Variants in SDK1 observed in about 807,000 individuals in gnomAD.
SDK1 encodes sidekick cell adhesion molecule 1.
A neutral mutation model predicts 245.5 loss-of-function variants in SDK1; 157 were observed. That is an observed-to-expected ratio of 0.64 (90% confidence interval 0.56 to 0.73). The LOEUF (loss-of-function observed/expected upper bound fraction) is 0.73. Among genes scored for constraint, SDK1 ranks in the 30% least tolerant of loss-of-function variants. SDK1 has a pLI of 0.00. For synonymous variants in SDK1, 1,647 were observed against 1,278.5 expected, an observed-to-expected ratio of 1.29 and a Z score of -6.15; for missense variants, 3,583 against 3,002.3, an observed-to-expected ratio of 1.19 and a Z score of -4.52.
At chr7:3,664,508 G>T (rs557141800) in intron 4 of SDK1, among the ~76,000 whole-genome samples, 1 of 152,156 alleles carries the variant, frequency 6.6e-6, no homozygotes, top group Non-Finnish European at 1.5e-5. Context: ...GGAGGCCGAG[G>T]TGGGTGGATC....
chr7:3,985,315 C>G (rs1224024866), intron 13 of SDK1, among the ~76,000 whole-genome samples: 1 of 152,230 alleles, frequency 6.6e-6, no homozygotes, highest in Non-Finnish European at 1.5e-5. Flanking sequence ...CTATATCTGT[C>G]AGATTTATTC....
At chr7:3,880,978 G>A (rs988277699) in intron 5 of SDK1, among the ~76,000 whole-genome samples, 19 of 152,040 alleles carry the variant, frequency 1.2e-4, no homozygotes, top group Admixed American at 7.2e-4. Flanking sequence ...GTAACAAGCC[G>A]CCCACTCACC....
chr7:4,254,367 G>A (rs948514238), intron 44 of SDK1, among the ~76,000 whole-genome samples: 3 of 152,054 alleles, frequency 2.0e-5, no homozygotes, highest in Non-Finnish European at 4.4e-5. Flanking sequence ...TAAGTGAACT[G>A]ATTCTTTCTT....
intron 1 of SDK1, among the ~76,000 whole-genome samples, chr7:3,476,287 C>T (rs529335697): frequency 7.9e-5 from 12 of 152,278 alleles, no homozygotes; most frequent in African/African-American, 2.6e-4. Flanking sequence ...TTCCATCACC[C>T]ACAGCTGTTT....
chr7:3,371,554 C>G (rs918648750), intron 1 of SDK1, among the ~76,000 whole-genome samples: 1 of 152,018 alleles, frequency 6.6e-6, no homozygotes, highest in Non-Finnish European at 1.5e-5. Context: ...AAAAGCTGAT[C>G]GAAATAAAAG....
At chr7:3,929,953 T>C (rs1247063549) in intron 5 of SDK1, among the ~76,000 whole-genome samples, 3 of 152,154 alleles carry the variant, frequency 2.0e-5, no homozygotes, top group African/African-American at 7.2e-5. Context: ...GCGTGTCACG[T>C]TCCTGAAAGC....
intron 5 of SDK1, among the ~76,000 whole-genome samples, chr7:3,838,308 C>T (rs978335590): frequency 2.0e-5 from 3 of 152,152 alleles, no homozygotes; most frequent in African/African-American, 7.2e-5. Context: ...AGCGAAAGTA[C>T]CTGAGCCACG....
At chr7:4,221,162 A>G (rs1048704652) in intron 39 of SDK1, 77 bp from the exon 40 acceptor site, 6 of 1,559,162 alleles carry the variant, frequency 3.8e-6, no homozygotes, top group African/African-American at 1.4e-5. Flanking sequence ...CTGACCCCCC[A>G]CTGTGAAATC....
chr7:3,650,986 G>C (rs1290568484), intron 4 of SDK1, among the ~76,000 whole-genome samples: 1 of 152,022 alleles, frequency 6.6e-6, no homozygotes, highest in Middle Eastern at 3.4e-3. Flanking sequence ...ATTGTATCCA[G>C]TTTTTGGCCA....
In SDK1 at chr7:3,809,077, G is replaced by A. The variant is rs181243476; in HGVS notation, c.714-12373G>A. 1.2e-3 allele frequency among the ~76,000 whole-genome samples: 179 copies of A among 152,134 alleles called. 2 individuals carry two copies. The highest frequency in any genetic ancestry group is 3.4e-3 in the Middle Eastern group (1 of 294). ...TAAAGAAAAAGGGTTGAATTGGCTC[G>A]TAGATCTGCAGGCTGTACAGGAAGC... is the stretch of plus-strand genomic sequence containing the variant. On this transcript the variant is annotated intron_variant, in intron 4 of 44. Transcript: ENST00000404826.
At position 3,884,468 on chromosome 7, in the gene SDK1, C is replaced by T. The variant is rs181470428; in HGVS notation, c.847+62885C>T. Among the ~76,000 whole-genome samples, 9 of 152,314 alleles carry T rather than the reference C, an allele frequency of 5.9e-5. No individual in the cohort carries two copies. The East Asian group carries it at 1.7e-3, about 29-fold the overall frequency. On this transcript the variant is annotated intron_variant, in intron 5 of 44. Transcript: ENST00000404826. ...GCCTCTAACGTTTGCCTCTTTCTACCTCCTCACAACTACTTTACTCAGTGA... is the reference window on the plus strand; with the variant it reads ...GCCTCTAACGTTTGCCTCTTTCTACTTCCTCACAACTACTTTACTCAGTGA...
intron 14 of SDK1, among the ~76,000 whole-genome samples, chr7:3,989,680 T>C (rs1784150351): frequency 6.6e-6 from 1 of 152,186 alleles, no homozygotes; most frequent in East Asian, 1.9e-4. Context: ...CTGCTCACTT[T>C]TCTGGGCAGA....
intron 39 of SDK1, among the ~76,000 whole-genome samples, chr7:4,220,974 A>G (rs1004914892): frequency 4.0e-5 from 6 of 149,326 alleles, no homozygotes; most frequent in Admixed American, 6.8e-5. Flanking sequence ...TTGTAGAGAC[A>G]AGTTTTTGCA....
chr7:3,410,578 C>CTTTTTTTTTTTTTT (rs776277920), intron 1 of SDK1, among the ~76,000 whole-genome samples: 20 of 82,064 alleles, frequency 2.4e-4, no homozygotes, highest in African/African-American at 1.1e-3. Context: ...GAAATGATAT[C>CTTTTTTTTTTTTTT]TTTTTTTTTT....
intron 22 of SDK1, among the ~76,000 whole-genome samples, chr7:4,090,122 T>C (rs1045772637): frequency 3.9e-5 from 6 of 152,250 alleles, no homozygotes; most frequent in African/African-American, 1.4e-4. Context: ...GGCCTTGGCA[T>C]GTCCCGTTGT....
At chr7:3,695,744 C>G (rs140220693) in intron 4 of SDK1, among the ~76,000 whole-genome samples, 1 of 152,076 alleles carries the variant, frequency 6.6e-6, no homozygotes, top group Non-Finnish European at 1.5e-5. Flanking sequence ...CTTATTATTC[C>G]GGTGACATAA....
chr7:3,475,239 C>G (rs1483670775), intron 1 of SDK1, among the ~76,000 whole-genome samples: 2 of 152,202 alleles, frequency 1.3e-5, no homozygotes, highest in Admixed American at 6.5e-5. Context: ...TTCTTGTTGT[C>G]TTCAAGGCCT....
intron 5 of SDK1, among the ~76,000 whole-genome samples, chr7:3,921,843 G>A (rs1262688390): frequency 1.1e-4 from 16 of 152,112 alleles, no homozygotes; most frequent in Admixed American, 1.0e-3. Context: ...GTGCGTGCCT[G>A]TGGTCCCAGC....
At chr7:3,488,292 T>A (rs916622718) in intron 1 of SDK1, among the ~76,000 whole-genome samples, 1 of 152,202 alleles carries the variant, frequency 6.6e-6, no homozygotes, top group Non-Finnish European at 1.5e-5. Flanking sequence ...TTTCTGTGCT[T>A]TCTCTTTCTT....
Sources: gnomAD v4.1 joint callset for allele counts (sites outside exome capture counted in the v4.1 genomes callset) on GRCh38, gnomAD v4.1.1 for gene constraint, MANE v1.5 for transcripts, NCBI Gene and HGNC (gene_info 2026-07-23, HGNC 2026-07-21) for gene names.